The following ZNF512 variants were observed in gnomAD, a reference collection of about 807,000 sequenced individuals.
The protein encoded by ZNF512 is zinc finger protein 512.
A neutral mutation model predicts 77.5 loss-of-function variants in ZNF512; 25 were observed. The observed-to-expected ratio is 0.32, with a 90% CI of 0.23 to 0.45. The LOEUF is 0.45. Among genes scored for constraint, ZNF512 ranks in the 20% least tolerant of loss-of-function variants. ZNF512 has a pLI of 1.00. For synonymous variants in ZNF512, 246 were observed against 239.9 expected (o/e 1.03, Z -0.24); for missense variants, 483 against 692.6 (o/e 0.70, Z 3.40).
At chr2:27,615,632 A>C (rs982222841) in intron 11 of ZNF512, among the ~76,000 whole-genome samples, 54 of 152,324 alleles carry the variant, frequency 3.5e-4, no homozygotes, top group Non-Finnish European at 8.8e-5. Context: ...CTCAGGGAAT[A>C]TTTTGAGATC....
chr2:27,596,521 T>C (rs1671878046), intron 2 of ZNF512, among the ~76,000 whole-genome samples: 1 of 152,228 alleles, frequency 6.6e-6, no homozygotes, highest in South Asian at 2.1e-4. Flanking sequence ...CTGCCTATGC[T>C]GCTCTGCAAG....
At chr2:27,604,078 C>T (rs1260752384) in intron 9 of ZNF512, among the ~76,000 whole-genome samples, 2 of 152,008 alleles carry the variant, frequency 1.3e-5, no homozygotes, top group African/African-American at 2.4e-5. Flanking sequence ...AGGTGCGTGC[C>T]ACCACGCCCA....
intron 7 of ZNF512, among the ~76,000 whole-genome samples, chr2:27,602,071 A>T (rs1193548706): frequency 1.3e-5 from 2 of 152,248 alleles, no homozygotes; most frequent in Non-Finnish European, 2.9e-5. Flanking sequence ...GGCGTGAGCC[A>T]CTGCGCCCGG....
chr2:27,599,854 TAGGCAG>T (rs67556120), intron 4 of ZNF512, 110 bp from the exon 5 acceptor site: 41,561 of 1,273,458 alleles, frequency 0.033, 774 homozygotes, highest in Middle Eastern at 0.054. Context: ...TGTCCTGACT[TAGGCAG>T]TCAGTCGGTT....
intron 11 of ZNF512, among the ~76,000 whole-genome samples, chr2:27,615,521 G>A (rs1205031231): frequency 6.6e-6 from 1 of 152,230 alleles, no homozygotes; most frequent in Non-Finnish European, 1.5e-5. Context: ...GTTCAAGATG[G>A]TTTCTGTGCA....
chr2:27,595,181 C>T (rs573545293), intron 2 of ZNF512, among the ~76,000 whole-genome samples: 2 of 152,194 alleles, frequency 1.3e-5, no homozygotes, highest in African/African-American at 2.4e-5. Context: ...TAGTATCTTT[C>T]GCCTCTCCCT....
intron 12 of ZNF512, 86 bp downstream of exon 12, chr2:27,616,410 G>C: frequency 9.4e-7 from 1 of 1,058,702 alleles, no homozygotes; most frequent in Non-Finnish European, 1.5e-6. Context: ...TGAACAGCTA[G>C]TTGTCCTGTT....
chr2:27,597,761 A>C (rs1195931202), intron 2 of ZNF512, among the ~76,000 whole-genome samples: 1 of 152,236 alleles, frequency 6.6e-6, no homozygotes, highest in Non-Finnish European at 1.5e-5. Context: ...GAAGGGTCAT[A>C]GAACACCTTT....
chr2:27,616,468 C>G lies in ZNF512; in HGVS notation c.1296+144C>G. On this transcript the variant is annotated intron_variant, in intron 12 of 13. Transcript: ENST00000355467. ...TTTAGATTTTTATGTCTCTAAGATT[C>G]TTGGTCTGGTATTGGGTGGGATGCC... The G allele has an allele frequency of 7.6e-6, 5 of 658,678 alleles. No individual in the cohort carries two copies. The South Asian group carries it at 1.0e-4, about 13-fold the overall frequency. 40.8% of individuals were successfully genotyped at this position (658,678 alleles called of 1,614,324 possible).
intron 10 of ZNF512, among the ~76,000 whole-genome samples, chr2:27,609,593 G>A (rs745961129): frequency 1.1e-4 from 16 of 152,156 alleles, no homozygotes; most frequent in Non-Finnish European, 1.8e-4. Context: ...TAGTGGCTGG[G>A]CACAGTGGCT....
chr2:27,622,837 A>T lies in ZNF512; in HGVS notation c.*1376A>T, dbSNP rs1673178272. 1 of 152,828 alleles carries T rather than the reference A, an allele frequency of 6.5e-6. No individual in the cohort carries two copies. Among genetic ancestry groups the T allele is most frequent in the Non-Finnish European group, 1.5e-5 (1 of 68,056 alleles). The allele number at this position is 152,828 out of a possible 1,614,324, so 9.5% of individuals were successfully genotyped here. A position where few individuals can be genotyped will look rare whatever the true frequency, so the allele number is the denominator to read the frequency against. ...TTTGTGCTCCTCCAAATAGCTTTAA[A>T]ATGTGGGCTTTTGTGAAGACCACTT... On this transcript the variant is annotated 3_prime_UTR_variant, in exon 14 of 14. Transcript: ENST00000355467.
rs1673137339 is a variant in ZNF512, at chr2:27,621,807, C to T, written c.*346C>T. ...CTGGGGTATAGAATGTTCTTGGAAG[C>T]TCCATTGATTTAGTAGCTGCTCCAT... On this transcript the variant is annotated 3_prime_UTR_variant, in exon 14 of 14. Transcript: ENST00000355467. The T allele has an allele frequency of 5.5e-6, 1 of 181,608 alleles. No homozygotes were observed. The highest frequency in any genetic ancestry group is 2.4e-5 in the African/African-American group (1 of 42,194). The allele number at this position is 181,608 out of a possible 1,614,324, so 11.2% of individuals were successfully genotyped here.
At chr2:27,592,140 C>G (rs1671612871) in intron 2 of ZNF512, among the ~76,000 whole-genome samples, 1 of 151,590 alleles carries the variant, frequency 6.6e-6, no homozygotes, top group Admixed American at 6.6e-5. Context: ...CAGGTGCACA[C>G]CACCACACCT....
intron 9 of ZNF512, among the ~76,000 whole-genome samples, chr2:27,604,769 ACT>A (rs1470548428): frequency 6.6e-6 from 1 of 151,836 alleles, no homozygotes; most frequent in Admixed American, 6.6e-5. Context: ...ACAGAGTGAG[ACT>A]CTGTCTCAAA....
chr2:27,586,138 A>G (rs1572901230), intron 2 of ZNF512, among the ~76,000 whole-genome samples: 1 of 152,312 alleles, frequency 6.6e-6, no homozygotes, highest in African/African-American at 2.4e-5. Flanking sequence ...GATAGTAAGA[A>G]ATTCCTACAT....
chr2:27,599,966 T>C lies in ZNF512; in HGVS notation c.374-4T>C. 6.2e-7 allele frequency: 1 copy of C among 1,614,148 alleles called. No homozygotes were observed. The highest frequency in any genetic ancestry group is 8.5e-7 in the Non-Finnish European group (1 of 1,180,004). On this transcript the variant is annotated splice_polypyrimidine_tract_variant and splice_region_variant and intron_variant, in intron 4 of 13. Transcript: ENST00000355467. ...CTGGGCTTCAAGTTTCTGTCTTATG[T>C]CAGGGAGGAAGCAACGGCCTAAAAC...
At chr2:27,616,219 A>G in intron 11 of ZNF512, 43 bp from the exon 12 acceptor site, 1 of 1,457,784 alleles carries the variant, frequency 6.9e-7, no homozygotes, top group Admixed American at 1.7e-5. Flanking sequence ...CAGAGAAGGG[A>G]GCTATTTGGC....
At chr2:27,606,441 C>T (rs1672365857) in intron 9 of ZNF512, among the ~76,000 whole-genome samples, 1 of 151,998 alleles carries the variant, frequency 6.6e-6, no homozygotes, top group Non-Finnish European at 1.5e-5. Flanking sequence ...TGGCTCACTG[C>T]AACCTCCGCC....
Position 27,621,513 on chromosome 2 carries a change from G to A in ZNF512, c.*52G>A, listed in dbSNP as rs1047298536. 4 of 1,529,718 alleles carry A rather than the reference G, an allele frequency of 2.6e-6. No individual in the cohort carries two copies. The highest frequency in any genetic ancestry group is 2.2e-4 in the Middle Eastern group (1 of 4,618). The allele number at this position is 1,529,718 out of a possible 1,614,324, so 94.8% of individuals were successfully genotyped here. ...AAAGCAGATGTGATGCTGTTGTCAC[G>A]GGGACCTGTGCTGGGAGGACTGAGT... is the stretch of plus-strand genomic sequence containing the variant. On this transcript the variant is annotated 3_prime_UTR_variant, in exon 14 of 14. Transcript: ENST00000355467.
Sources: allele counts gnomAD v4.1 joint callset (sites outside exome capture counted in the v4.1 genomes callset), GRCh38; gene constraint gnomAD v4.1.1; transcripts MANE v1.5; gene names NCBI Gene and HGNC (gene_info 2026-07-23, HGNC 2026-07-21).